SZRD1: variants seen among roughly 807,000 people sequenced by gnomAD.
SZRD1 encodes SUZ RNA-binding domain-containing.
A neutral mutation model predicts 17.6 loss-of-function variants in SZRD1; 7 were observed. That is an observed-to-expected ratio of 0.40 (90% CI 0.23 to 0.75). The LOEUF is 0.75. Ranked by LOEUF, SZRD1 falls within the 30% of genes least tolerant of loss-of-function variation. The probability of loss-of-function intolerance (pLI) is 0.38; values close to 1 mark genes in which losing one functional copy is unlikely to be tolerated. For synonymous variants in SZRD1, 77 were observed against 77.9 expected, an observed-to-expected ratio of 0.99 and a Z score of 0.06; for missense variants, 178 against 201.8, an observed-to-expected ratio of 0.88 and a Z score of 0.71.
chr1:16,367,520 C>T (rs1217316443), intron 1 of SZRD1, among the ~76,000 whole-genome samples: 3 of 152,236 alleles, frequency 2.0e-5, no homozygotes, highest in Non-Finnish European at 4.4e-5. Flanking sequence ...GGTGCGCCTC[C>T]CTCCGCCCAC....
chr1:16,372,092 A>G (rs1355325098), intron 1 of SZRD1, among the ~76,000 whole-genome samples: 1 of 151,918 alleles, frequency 6.6e-6, no homozygotes, highest in Non-Finnish European at 1.5e-5. Context: ...TTTTGCTTTT[A>G]GTTAGTATGG....
chr1:16,393,428 G>A lies in SZRD1; in HGVS notation c.302G>A (p.Arg101Gln). ...REAEYAEARK[R>Q]ILGSASPEEE... ...GCCGAGTACGCCGAGGCCCGGAAGC[G>A]GATCCTGGGCAGCGCCAGCCCCGAG... The change falls in exon 3 of 4, where the codon CGG (arginine) becomes CAG (glutamine). Residue 101 changes from arginine to glutamine, a missense_variant. By Grantham distance (43) the Arg-to-Gln change is conservative (BLOSUM62 1). Around this residue, in one of 3 missense-constraint regions of SZRD1, gnomAD observed 57 missense variants for 71.9 expected, o/e 0.79. Transcript: ENST00000401088. The surrounding 1 kb of genome is among the most constrained non-coding windows in gnomAD (Gnocchi z 5.6). 1 of 1,614,092 alleles carries A rather than the reference G, an allele frequency of 6.2e-7. No homozygotes were observed. Among genetic ancestry groups the A allele is most frequent in the Non-Finnish European group, 8.5e-7 (1 of 1,180,010 alleles).
intron 1 of SZRD1, among the ~76,000 whole-genome samples, chr1:16,373,448 G>A (rs977513129): frequency 1.4e-5 from 2 of 140,160 alleles, no homozygotes; most frequent in African/African-American, 4.9e-5. Context: ...GTGTGGTGGT[G>A]CCTGCTTGTA....
At position 16,397,435 on chromosome 1, in the gene SZRD1, G is replaced by A. The variant is rs1309750904; in HGVS notation, c.*2295G>A. ...TTTGTGTGTGGGAGGGTATTTTTTGGGGGTAGTTGTCTGTAACTTTCCTAA... is the reference window on the plus strand; with the variant it reads ...TTTGTGTGTGGGAGGGTATTTTTTGAGGGTAGTTGTCTGTAACTTTCCTAA... On this transcript the variant is annotated 3_prime_UTR_variant, in exon 4 of 4. Coordinates refer to ENST00000401088, the MANE Select transcript of SZRD1 (RefSeq NM_001114600.3). This position sits in a 1 kb window ranked among gnomAD's most constrained non-coding sequence, Gnocchi z 5.4. The A allele has an allele frequency of 1.3e-5, 2 of 152,236 alleles. No homozygotes were observed. Among genetic ancestry groups the A allele is most frequent in the South Asian group, 2.1e-4 (1 of 4,832 alleles). 9.4% of individuals were successfully genotyped at this position (152,236 alleles called of 1,614,324 possible). A position where few individuals can be genotyped will look rare whatever the true frequency, so the allele number is the denominator to read the frequency against.
At chr1:16,368,890 C>A (rs1383713322) in intron 1 of SZRD1, among the ~76,000 whole-genome samples, 1 of 152,142 alleles carries the variant, frequency 6.6e-6, no homozygotes, top group Non-Finnish European at 1.5e-5. Flanking sequence ...GTCATAAATC[C>A]CTCATGTTAG....
Position 16,397,796 on chromosome 1 carries a change from C to T in SZRD1, c.*2656C>T, listed in dbSNP as rs1557636339. ...TGCTACCATCAGCCCCTTCCAGAGC[C>T]CATCTGCCCCGCCCAGCCCTGCCCT... On this transcript the variant is annotated 3_prime_UTR_variant, in exon 4 of 4. Coordinates refer to ENST00000401088, the MANE Select transcript of SZRD1 (RefSeq NM_001114600.3). The surrounding 1 kb of genome is among the most constrained non-coding windows in gnomAD (Gnocchi z 5.4). 1 of 164,582 alleles carries T rather than the reference C, an allele frequency of 6.1e-6. No individual in the cohort carries two copies. Among genetic ancestry groups the T allele is most frequent in the Non-Finnish European group, 1.3e-5 (1 of 79,290 alleles). 10.2% of individuals were successfully genotyped at this position (164,582 alleles called of 1,614,324 possible). A position where few individuals can be genotyped will look rare whatever the true frequency, so the allele number is the denominator to read the frequency against.
Position 16,396,512 on chromosome 1 carries a change from G to A in SZRD1, c.*1372G>A, listed in dbSNP as rs573641924. 1 of 152,368 alleles carries A rather than the reference G, an allele frequency of 6.6e-6. No homozygotes were observed. The highest frequency in any genetic ancestry group is 2.1e-4 in the South Asian group (1 of 4,830). The allele number at this position is 152,368 out of a possible 1,614,324, so 9.4% of individuals were successfully genotyped here. On this transcript the variant is annotated 3_prime_UTR_variant, in exon 4 of 4. Transcript: ENST00000401088. The stretch of plus-strand genomic sequence containing the variant: ...CCTGGGGTTTGCTTTGGCTCCTTGA[G>A]GTGGAAGAGACTAAGAGGGCAGCTG...
At chr1:16,369,283 A>G in intron 1 of SZRD1, 1 of 658,680 alleles carries the variant, frequency 1.5e-6, no homozygotes, top group Non-Finnish European at 2.7e-6. Flanking sequence ...GAGATATTTG[A>G]AATACCTTTT....
At chr1:16,387,691 T>G (rs1191707279) in intron 1 of SZRD1, 5 of 456,714 alleles carry the variant, frequency 1.1e-5, no homozygotes, top group South Asian at 7.7e-5. Context: ...AGGCTCTGTT[T>G]ATGATGGAGA....
chr1:16,388,282 T>C (rs1263487273), intron 1 of SZRD1, among the ~76,000 whole-genome samples: 2 of 152,122 alleles, frequency 1.3e-5, no homozygotes, highest in East Asian at 3.8e-4. Flanking sequence ...GTATTTTTAG[T>C]AGAGACGGGG....
intron 1 of SZRD1, among the ~76,000 whole-genome samples, chr1:16,370,526 CT>C (rs993674528): frequency 1.2e-3 from 174 of 143,356 alleles, no homozygotes; most frequent in African/African-American, 4.0e-3. Flanking sequence ...TGCACCTGGC[CT>C]TTTTTTTTTT....
intron 3 of SZRD1, among the ~76,000 whole-genome samples, 160 bp from the exon 4 acceptor site, chr1:16,394,877 CT>C (rs2085282596): frequency 6.6e-6 from 1 of 152,148 alleles, no homozygotes; most frequent in Non-Finnish European, 1.5e-5. Context: ...ATCACTTGAA[CT>C]CAGGAGGTGG....
At position 16,397,363 on chromosome 1, in the gene SZRD1, G is replaced by C. The variant is rs1412031166; in HGVS notation, c.*2223G>C. On this transcript the variant is annotated 3_prime_UTR_variant, in exon 4 of 4. Coordinates refer to ENST00000401088, the MANE Select transcript of SZRD1 (RefSeq NM_001114600.3). The surrounding 1 kb of genome is among the most constrained non-coding windows in gnomAD (Gnocchi z 5.4). ...TTAAAAAGAAAGAAAACAGGAAACTGTATTGTGTCGGGGGAGGCGGGAGGG... is the reference window on the plus strand; with the variant it reads ...TTAAAAAGAAAGAAAACAGGAAACTCTATTGTGTCGGGGGAGGCGGGAGGG... 4 of 152,280 alleles carry C rather than the reference G, an allele frequency of 2.6e-5. No individual in the cohort carries two copies. The highest frequency in any genetic ancestry group is 5.9e-5 in the Non-Finnish European group (4 of 68,050). The allele number at this position is 152,280 out of a possible 1,614,324, so 9.4% of individuals were successfully genotyped here. A position where few individuals can be genotyped will look rare whatever the true frequency, so the allele number is the denominator to read the frequency against.
Position 16,393,333 on chromosome 1 carries a change from C to T in SZRD1, c.207C>T (p.Asn69=), listed in dbSNP as rs762318505. 1.7e-5 allele frequency: 28 copies of T among 1,614,104 alleles called. No individual in the cohort carries two copies. The highest frequency in any genetic ancestry group is 6.6e-5 in the South Asian group (6 of 91,092). The change falls in exon 3 of 4, where the codon AAC becomes AAT. Residue 69 remains asparagine (N), a synonymous_variant. Transcript: ENST00000401088. The surrounding 1 kb of genome is among the most constrained non-coding windows in gnomAD (Gnocchi z 5.6). The part of the protein sequence containing the change: ...QIRILKRPTS[N]GVVSSPNSTS... The stretch of plus-strand genomic sequence containing the variant: ...GCATCCTCAAGAGGCCCACCAGCAA[C>T]GGTGTGGTCAGCAGCCCCAACTCCA...
At chr1:16,387,216 T>C (rs2085140466) in intron 1 of SZRD1, 1 of 438,324 alleles carries the variant, frequency 2.3e-6, no homozygotes, top group Non-Finnish European at 4.5e-6. Flanking sequence ...TACTCAGACA[T>C]GGCCTACGAT....
At chr1:16,382,191 T>TC (rs1286576306) in intron 1 of SZRD1, among the ~76,000 whole-genome samples, 2 of 150,174 alleles carry the variant, frequency 1.3e-5, no homozygotes, top group African/African-American at 4.9e-5. Context: ...ATGGGTGGGT[T>TC]TTTTTTTTCT....
At position 16,393,492 on chromosome 1, in the gene SZRD1, G is replaced by T. The variant is rs368471274; in HGVS notation, c.356+10G>T. ...AACCCATCCTCGACAGGTGAGTGTG[G>T]CTGGCAGGGCCGGCCAGTGATGGCT... On this transcript the variant is annotated intron_variant, in intron 3 of 3. Coordinates refer to ENST00000401088, the MANE Select transcript of SZRD1 (RefSeq NM_001114600.3). The surrounding 1 kb of genome is among the most constrained non-coding windows in gnomAD (Gnocchi z 5.6). 6.2e-7 allele frequency: 1 copy of T among 1,600,864 alleles called. No individual in the cohort carries two copies. The highest frequency in any genetic ancestry group is 1.3e-5 in the African/African-American group (1 of 74,582).
intron 1 of SZRD1, among the ~76,000 whole-genome samples, chr1:16,389,018 A>G (rs1008884606): frequency 2.6e-5 from 4 of 151,876 alleles, no homozygotes; most frequent in African/African-American, 9.7e-5. Context: ...ACAAGATTAG[A>G]ACAATATAGC....
At chr1:16,392,023 G>A (rs1483307028) in intron 2 of SZRD1, among the ~76,000 whole-genome samples, 1 of 152,112 alleles carries the variant, frequency 6.6e-6, no homozygotes, top group Non-Finnish European at 1.5e-5. Flanking sequence ...GGACAGGAAG[G>A]AGGATAGGGC....
Sources: gnomAD v4.1 joint callset for allele counts (sites outside exome capture counted in the v4.1 genomes callset) on GRCh38, gnomAD v4.1.1 for gene constraint, gnomAD v4.1.1 regional missense constraint, Gnocchi (gnomAD v3.1) non-coding constraint, MANE v1.5 for transcripts, NCBI Gene and HGNC (gene_info 2026-07-23, HGNC 2026-07-21) for gene names.